NELL2: variants seen among roughly 807,000 people sequenced by gnomAD.
NELL2 encodes neural EGFL like 2.
In NELL2, 41 loss-of-function variants were observed where a neutral mutation model predicts 109.6. The ratio of observed to expected loss-of-function variants is 0.37; its 90% CI spans 0.29 to 0.49. NELL2 has a LOEUF of 0.49. NELL2 is among the 20% of genes least tolerant of loss of function. The probability of loss-of-function intolerance (pLI) is 0.98; values close to 1 mark genes in which losing one functional copy is unlikely to be tolerated. For missense variants in NELL2, 900 were observed against 1,008.3 expected, an observed-to-expected ratio of 0.89 and a Z score of 1.45; for synonymous variants, 355 against 344.7, an observed-to-expected ratio of 1.03 and a Z score of -0.33.
rs1566403749 is a variant in NELL2, at chr12:44,791,095, ATGT to A, written c.336-11076_336-11074del. 5.8e-4 allele frequency among the ~76,000 whole-genome samples: 8 copies of A among 13,804 alleles called. No homozygotes were observed. In the East Asian group the frequency reaches 0.038, roughly 66 times the overall value. The allele number at this position is 13,804 out of a possible 152,430, so 9.1% of individuals were successfully genotyped here. A position where few individuals can be genotyped will look rare whatever the true frequency, so the allele number is the denominator to read the frequency against. ...TATATATATATACATATATATATAT[ATGT>A]ATATATATATGTATATATATATGTA... On this transcript the variant is annotated intron_variant, in intron 3 of 19. Transcript: ENST00000429094.
intron 13 of NELL2, among the ~76,000 whole-genome samples, chr12:44,639,393 C>A (rs982691593): frequency 6.6e-6 from 1 of 152,178 alleles, no homozygotes; most frequent in Non-Finnish European, 1.5e-5. Context: ...ACGACCATGA[C>A]ACTTCACTCC....
At chr12:44,863,758 G>C (rs1944909113) in intron 2 of NELL2, among the ~76,000 whole-genome samples, 1 of 152,052 alleles carries the variant, frequency 6.6e-6, no homozygotes, top group Non-Finnish European at 1.5e-5. Context: ...GTCAAATTCA[G>C]AATACTCAAA....
At chr12:44,874,388 T>C (rs1437233456) in intron 2 of NELL2, among the ~76,000 whole-genome samples, 1 of 152,204 alleles carries the variant, frequency 6.6e-6, no homozygotes, top group Non-Finnish European at 1.5e-5. Flanking sequence ...CACGTTTAGC[T>C]ACCTTTTAGA....
intron 15 of NELL2, among the ~76,000 whole-genome samples, chr12:44,553,012 C>T (rs992790609): frequency 9.3e-5 from 14 of 150,608 alleles, no homozygotes; most frequent in African/African-American, 2.2e-4. Flanking sequence ...AGTAAACTAT[C>T]GCAAGAACAA....
At chr12:44,604,523 G>A (rs1240998202) in intron 15 of NELL2, among the ~76,000 whole-genome samples, 1 of 152,118 alleles carries the variant, frequency 6.6e-6, no homozygotes, top group African/African-American at 2.4e-5. Flanking sequence ...TCACTCATGT[G>A]TGCATTTATT....
At chr12:44,770,859 C>A (rs1050508177) in intron 9 of NELL2, among the ~76,000 whole-genome samples, 3 of 152,128 alleles carry the variant, frequency 2.0e-5, no homozygotes, top group Non-Finnish European at 2.9e-5. Context: ...GAGCTCTGTA[C>A]ACAAGCCTGA....
intron 2 of NELL2, among the ~76,000 whole-genome samples, chr12:44,868,614 T>C (rs944425608): frequency 6.6e-6 from 1 of 152,196 alleles, no homozygotes; most frequent in African/African-American, 2.4e-5. Flanking sequence ...GAAGACATTA[T>C]GTAAAGTGAA....
In NELL2 at chr12:44,786,348, A is replaced by G. The variant is rs920995268; in HGVS notation, c.336-6326T>C. Among the ~76,000 whole-genome samples the G allele has an allele frequency of 2.6e-5, 4 of 152,332 alleles. No individual in the cohort carries two copies. In the East Asian group the frequency reaches 7.7e-4, roughly 29 times the overall value. On this transcript the variant is annotated intron_variant, in intron 3 of 19. Coordinates refer to ENST00000429094, the MANE Select transcript of NELL2 (RefSeq NM_001145108.2). ...GAGAAACCATCTCATGCCAGTTAGAATGGCGATCATTAAAAAGTCAGGAAA... is the reference window on the plus strand; with the variant it reads ...GAGAAACCATCTCATGCCAGTTAGAGTGGCGATCATTAAAAAGTCAGGAAA...
intron 2 of NELL2, among the ~76,000 whole-genome samples, chr12:44,856,089 A>G (rs559449712): frequency 2.0e-5 from 3 of 152,246 alleles, no homozygotes; most frequent in Non-Finnish European, 4.4e-5. Context: ...TAAGCACATT[A>G]TGTGTGCAAC....
At chr12:44,904,126 T>C (rs905689722) in intron 1 of NELL2, among the ~76,000 whole-genome samples, 14 of 152,180 alleles carry the variant, frequency 9.2e-5, no homozygotes, top group Admixed American at 8.5e-4. Flanking sequence ...CACTTAAATC[T>C]ATTAAATGTC....
intron 1 of NELL2, 71 bp from the exon 2 acceptor site, chr12:44,875,424 G>A (rs779296500): frequency 6.2e-7 from 1 of 1,613,920 alleles, no homozygotes; most frequent in East Asian, 2.2e-5. Flanking sequence ...CTTCCTCCAG[G>A]GCAGCAAAGA....
At chr12:44,794,571 T>G (rs1283030857) in intron 3 of NELL2, among the ~76,000 whole-genome samples, 1 of 152,146 alleles carries the variant, frequency 6.6e-6, no homozygotes, top group African/African-American at 2.4e-5. Flanking sequence ...TCAGGGTACT[T>G]CTCGTTATTT....
rs182372331 is a variant in NELL2 at position 44,788,410 on chromosome 12, G to A, written c.336-8388C>T. Among the ~76,000 whole-genome samples, 37 of 152,288 alleles carry A rather than the reference G, an allele frequency of 2.4e-4. No homozygotes were observed. The East Asian group carries it at 6.4e-3, about 26-fold the overall frequency. On this transcript the variant is annotated intron_variant, in intron 3 of 19. Transcript: ENST00000429094. The stretch of plus-strand genomic sequence containing the variant: ...CACACCCACACTGGGGAAACTGAAC[G>A]TCTGTTTGAGGGAGAAGTTTCCAAA...
At chr12:44,858,875 T>C (rs1022659014) in intron 2 of NELL2, among the ~76,000 whole-genome samples, 2 of 152,172 alleles carry the variant, frequency 1.3e-5, no homozygotes, top group African/African-American at 4.8e-5. Context: ...TTAACCAGAA[T>C]GATAAGTACT....
chr12:44,546,907 G>A (rs958616211), intron 15 of NELL2, among the ~76,000 whole-genome samples: 1 of 152,170 alleles, frequency 6.6e-6, no homozygotes, highest in African/African-American at 2.4e-5. Flanking sequence ...AATAGGAAAA[G>A]GAAGGTAACT....
At chr12:44,866,130 G>A (rs1944992957) in intron 2 of NELL2, among the ~76,000 whole-genome samples, 1 of 152,152 alleles carries the variant, frequency 6.6e-6, no homozygotes, top group Non-Finnish European at 1.5e-5. Flanking sequence ...CACAAAGAAG[G>A]TGTAATCTAT....
chr12:44,682,066 C>G (rs1948529288), intron 12 of NELL2, among the ~76,000 whole-genome samples: 1 of 150,846 alleles, frequency 6.6e-6, no homozygotes, highest in Non-Finnish European at 1.5e-5. Context: ...TCTCCACATC[C>G]TCTCCAGCAC....
chr12:44,642,081 G>T (rs1190230694), intron 13 of NELL2, among the ~76,000 whole-genome samples: 1 of 152,110 alleles, frequency 6.6e-6, no homozygotes, highest in Non-Finnish European at 1.5e-5. Flanking sequence ...AGAGGCTTTT[G>T]TGAAGTGAGA....
At chr12:44,675,398 A>G (rs548919754) in intron 12 of NELL2, among the ~76,000 whole-genome samples, 67 of 152,296 alleles carry the variant, frequency 4.4e-4, no homozygotes, top group Non-Finnish European at 6.6e-4. Context: ...TTTGTAAGCT[A>G]TACAGTCATA....
Sources: allele counts gnomAD v4.1 joint callset (sites outside exome capture counted in the v4.1 genomes callset), GRCh38; gene constraint gnomAD v4.1.1; transcripts MANE v1.5; gene names NCBI Gene and HGNC (gene_info 2026-07-23, HGNC 2026-07-21).